NXPE4: variants seen among roughly 807,000 people sequenced by gnomAD.
The protein encoded by NXPE4 is neurexophilin and PC-esterase domain family member 4.
Under a neutral mutation model 33.3 loss-of-function variants are expected in NXPE4, and 42 were observed. That is an observed-to-expected ratio of 1.26 (90% CI 0.98 to 1.63). The LOEUF (loss-of-function observed/expected upper bound fraction) is 1.63, where lower values mean the gene tolerates loss of function less well. Among genes scored for constraint, NXPE4 ranks in the 40% most tolerant of loss-of-function variants. NXPE4 has a pLI of 0.00. For synonymous variants in NXPE4, 253 were observed against 234.9 expected (o/e 1.08, Z -0.71); for missense variants, 709 against 647.6 (o/e 1.09, Z -1.03).
the NXPE4 span, among the ~76,000 whole-genome samples, chr11:114,609,560 C>T: frequency 6.6e-6 from 1 of 151,814 alleles, no homozygotes. Flanking sequence ...ATGAGTATTG[C>T]CTCCTGGGTA....
At chr11:114,644,020 C>T in the NXPE4 span, among the ~76,000 whole-genome samples, 4 of 151,984 alleles carry the variant, frequency 2.6e-5, no homozygotes, top group African/African-American at 9.7e-5. Flanking sequence ...ATTCTCTTTG[C>T]AGCAATTGTG....
At chr11:114,622,921 A>G in the NXPE4 span, among the ~76,000 whole-genome samples, 1 of 152,160 alleles carries the variant, frequency 6.6e-6, no homozygotes, top group African/African-American at 2.4e-5. Context: ...CCTGTGGATA[A>G]TACGTATTGC....
chr11:114,624,386 T>C, the NXPE4 span, among the ~76,000 whole-genome samples: 3 of 152,024 alleles, frequency 2.0e-5, no homozygotes, highest in African/African-American at 7.3e-5. Context: ...TCCCGTTCAA[T>C]GATAAGTATT....
intron 2 of NXPE4, chr11:114,583,458 G>C: frequency 1.5e-6 from 1 of 666,150 alleles, no homozygotes; most frequent in Non-Finnish European, 2.8e-6. Context: ...AAGTACCACA[G>C]TGATGACTAC....
At chr11:114,618,015 G>T in the NXPE4 span, among the ~76,000 whole-genome samples, 1 of 151,792 alleles carries the variant, frequency 6.6e-6, no homozygotes, top group African/African-American at 2.4e-5. Context: ...GTTACCCGCT[G>T]GATAATAAGT....
rs1948866833 is a variant in NXPE4, at chr11:114,570,732, A to C, written c.*206T>G. On this transcript the variant is annotated 3_prime_UTR_variant, in exon 6 of 6. Transcript: ENST00000375478. ...TGATCAAGAAGGGTAGGCTCTTTTC[A>C]TGAGTATTTTTAGTTTTATTTTTAA... 2.1e-6 allele frequency: 1 copy of C among 467,272 alleles called. No individual in the cohort carries two copies. The highest frequency in any genetic ancestry group is 3.7e-6 in the Non-Finnish European group (1 of 266,786). The allele number at this position is 467,272 out of a possible 1,614,324, so 28.9% of individuals were successfully genotyped here.
the NXPE4 span, among the ~76,000 whole-genome samples, chr11:114,641,801 A>G: frequency 2.0e-5 from 3 of 152,210 alleles, no homozygotes; most frequent in East Asian, 1.9e-4. Context: ...TTAATTTTCA[A>G]AATGAAAAAG....
chr11:114,616,215 GATA>G, the NXPE4 span, among the ~76,000 whole-genome samples: 1 of 151,442 alleles, frequency 6.6e-6, no homozygotes, highest in African/African-American at 2.4e-5. Flanking sequence ...TTACCTGGTG[GATA>G]ATAAGTATTG....
chr11:114,583,202 T>C, intron 2 of NXPE4, 181 bp from the exon 3 acceptor site: 3 of 765,276 alleles, frequency 3.9e-6, no homozygotes, highest in Non-Finnish European at 6.3e-6. Context: ...TAAAAAGGCA[T>C]AGAATGGAGA....
At chr11:114,597,694 T>G (rs933812813), upstream of NXPE4, among the ~76,000 whole-genome samples, 2 of 152,000 alleles carry the variant, frequency 1.3e-5, no homozygotes, top group Non-Finnish European at 2.9e-5. Context: ...TCAGGGGATA[T>G]GAAATGAGCC....
At chr11:114,586,079 A>G (rs956872918) in intron 2 of NXPE4, among the ~76,000 whole-genome samples, 11 of 152,170 alleles carry the variant, frequency 7.2e-5, no homozygotes, top group African/African-American at 2.4e-4. Context: ...TGCAAATGTT[A>G]CACCTGGGGT....
the NXPE4 span, among the ~76,000 whole-genome samples, chr11:114,623,366 C>T: frequency 6.6e-6 from 1 of 151,960 alleles, no homozygotes; most frequent in Non-Finnish European, 1.5e-5. Flanking sequence ...AGGGTAACCA[C>T]TTTTAAACGT....
In NXPE4 at chr11:114,590,701, G is replaced by A. The variant is rs150018792; in HGVS notation, c.96+3963C>T. Reference sequence around the variant, plus strand: ...CCTGAGGACCAGCTCAACAACTAGTGGGCTACCTGAGTAAGAAACTTGATT... The same window carrying A: ...CCTGAGGACCAGCTCAACAACTAGTAGGCTACCTGAGTAAGAAACTTGATT... On this transcript the variant is annotated intron_variant, in intron 2 of 5. Coordinates refer to ENST00000375478, the MANE Select transcript of NXPE4 (RefSeq NM_001077639.2). Among the ~76,000 whole-genome samples, 746 of 152,226 alleles carry A rather than the reference G, an allele frequency of 4.9e-3. 6 individuals carry two copies. The highest frequency in any genetic ancestry group is 0.017 in the Middle Eastern group (5 of 294).
chr11:114,628,486 C>T, the NXPE4 span, among the ~76,000 whole-genome samples: 1 of 151,924 alleles, frequency 6.6e-6, no homozygotes, highest in Non-Finnish European at 1.5e-5. Context: ...AACAAAGACA[C>T]AACGTACCAG....
At chr11:114,640,317 A>G in the NXPE4 span, among the ~76,000 whole-genome samples, 93 of 146,738 alleles carry the variant, frequency 6.3e-4, 1 homozygote, top group South Asian at 0.017. Context: ...ATATTTATAT[A>G]TTATATGTTT....
At chr11:114,651,367 G>C in the NXPE4 span, among the ~76,000 whole-genome samples, 1 of 152,006 alleles carries the variant, frequency 6.6e-6, no homozygotes, top group Non-Finnish European at 1.5e-5. Flanking sequence ...TGTTCCTCCT[G>C]GTGGGTTCGT....
chr11:114,670,109 G>A, the NXPE4 span, among the ~76,000 whole-genome samples: 1 of 152,008 alleles, frequency 6.6e-6, no homozygotes, highest in Admixed American at 6.6e-5. Flanking sequence ...CCTCAAAGGA[G>A]TCTATATTTA....
the NXPE4 span, among the ~76,000 whole-genome samples, chr11:114,658,595 C>T: frequency 6.6e-6 from 1 of 152,108 alleles, no homozygotes. Flanking sequence ...GGCAGAAGGG[C>T]AGCAAACTCT....
the NXPE4 span, among the ~76,000 whole-genome samples, chr11:114,619,846 A>G: frequency 6.6e-6 from 1 of 151,948 alleles, no homozygotes; most frequent in African/African-American, 2.4e-5. Flanking sequence ...GTTGGTAACC[A>G]GTGTTACCCG....
Sources: allele counts gnomAD v4.1 joint callset (sites outside exome capture counted in the v4.1 genomes callset), GRCh38; gene constraint gnomAD v4.1.1; transcripts MANE v1.5; gene names NCBI Gene and HGNC (gene_info 2026-07-23, HGNC 2026-07-21).